MROH2B: variants seen among roughly 807,000 people sequenced by gnomAD.
The protein encoded by MROH2B is maestro heat like repeat family member 2B.
A neutral mutation model predicts 208.6 loss-of-function variants in MROH2B; 177 were observed. That is an observed-to-expected ratio of 0.85 (90% CI 0.75 to 0.96). MROH2B has a LOEUF of 0.96. MROH2B is among the 40% of genes least tolerant of loss of function. The pLI is 0.00. For missense variants in MROH2B, 2,002 were observed against 1,878.7 expected (o/e 1.07, Z -1.21); for synonymous variants, 728 against 659.0 (o/e 1.10, Z -1.60).
At chr5:41,067,085 T>C (rs1579964075) in intron 3 of MROH2B, 23 bp downstream of exon 3, 3 of 1,437,262 alleles carry the variant, frequency 2.1e-6, no homozygotes, top group East Asian at 4.9e-5. Flanking sequence ...AAGACCCTTT[T>C]CACCATCATG....
Position 41,060,333 on chromosome 5 carries a change from G to A in MROH2B, c.615+1237C>T, listed in dbSNP as rs1423420. ...ATATTAGAATGATTTTTCTACTGCA[G>A]TACTCAAATCCTTGCTTAAAACCTT... On this transcript the variant is annotated intron_variant, in intron 6 of 41. Transcript: ENST00000399564. Among the ~76,000 whole-genome samples, 476 of 152,180 alleles carry A rather than the reference G, an allele frequency of 3.1e-3. 1 individual carries two copies. Among genetic ancestry groups the A allele is most frequent in the African/African-American group, 0.011 (458 of 41,534 alleles).
Position 40,998,114 on chromosome 5 carries a change from C to T in MROH2B, c.4696G>A (p.Ala1566Thr), listed in dbSNP as rs755657335. ...RQDPCISVQR[A>T]AEAALQTLLR... is the part of the protein sequence containing the mutation. ...AGGGTTTGCAAAGCAGCCTCAGCTG[C>T]TCTCTGGACACTAATACACGGATCT... is the stretch of plus-strand genomic sequence containing the variant. Residue 1566 changes from alanine (A) to threonine (T), a missense_variant, in exon 42 of 42, where the codon GCA becomes ACA. Coordinates refer to ENST00000399564, the MANE Select transcript of MROH2B (RefSeq NM_173489.5). 2 of 1,612,582 alleles carry T rather than the reference C, an allele frequency of 1.2e-6. No homozygotes were observed. The highest frequency in any genetic ancestry group is 1.7e-6 in the Non-Finnish European group (2 of 1,178,778).
chr5:41,048,050 T>C (rs1486059946), intron 16 of MROH2B, among the ~76,000 whole-genome samples: 13 of 152,140 alleles, frequency 8.5e-5, no homozygotes, highest in Non-Finnish European at 1.2e-4. Flanking sequence ...AGAACAATGC[T>C]AAAATAGAAT....
intron 37 of MROH2B, among the ~76,000 whole-genome samples, chr5:41,002,690 G>T (rs757684652): frequency 1.2e-4 from 18 of 152,294 alleles, no homozygotes; most frequent in African/African-American, 2.2e-4. Context: ...GATGAGCAAG[G>T]TCTGAGCTAA....
At position 41,015,735 on chromosome 5, in the gene MROH2B, C is replaced by T. The variant is rs140751007; in HGVS notation, c.2885-257G>A. Among the ~76,000 whole-genome samples, 11 of 152,250 alleles carry T rather than the reference C, an allele frequency of 7.2e-5. No individual in the cohort carries two copies. The East Asian group carries it at 1.2e-3, about 16-fold the overall frequency. ...CGTCTTGGTTTTGCAGATGAGAAAG[C>T]GGGAACAGAGATGTGAAGACATTGC... On this transcript the variant is annotated intron_variant, in intron 28 of 41. Transcript: ENST00000399564.
In MROH2B at chr5:41,041,792, G is replaced by C. The variant is rs188711286; in HGVS notation, c.1953+300C>G. On this transcript the variant is annotated intron_variant, in intron 19 of 41. Transcript: ENST00000399564. ...CTAGATTAGTCTATAAGTAATTTCA[G>C]CTTGTAAATTCAATCATTTTGATGC... 4.1e-3 allele frequency among the ~76,000 whole-genome samples: 618 copies of C among 152,222 alleles called. 1 individual carries two copies. Among genetic ancestry groups the C allele is most frequent in the African/African-American group, 0.013 (547 of 41,522 alleles).
intron 29 of MROH2B, among the ~76,000 whole-genome samples, chr5:41,013,320 A>T (rs1421096849): frequency 6.6e-6 from 1 of 152,198 alleles, no homozygotes; most frequent in Non-Finnish European, 1.5e-5. Context: ...TGTTGTCTCT[A>T]GGTACAAGAA....
chr5:41,059,490 A>T (rs1205336699), intron 6 of MROH2B, among the ~76,000 whole-genome samples: 1 of 152,122 alleles, frequency 6.6e-6, no homozygotes, highest in African/African-American at 2.4e-5. Context: ...TGTTTGATAA[A>T]TTTTTTGTAT....
intron 30 of MROH2B, 84 bp downstream of exon 30, chr5:41,012,499 G>T: frequency 6.9e-7 from 1 of 1,445,214 alleles, no homozygotes. Flanking sequence ...CTGCCCATCA[G>T]TGGACAAACA....
chr5:41,034,431 A>G (rs1437746484), intron 21 of MROH2B, among the ~76,000 whole-genome samples: 2 of 152,006 alleles, frequency 1.3e-5, no homozygotes, highest in Non-Finnish European at 2.9e-5. Context: ...ACGTAGGAAT[A>G]CTCAAAGCAC....
intron 24 of MROH2B, among the ~76,000 whole-genome samples, chr5:41,026,965 T>C (rs1579925921): frequency 6.6e-6 from 1 of 152,212 alleles, no homozygotes; most frequent in Non-Finnish European, 1.5e-5. Context: ...TAAATGATGT[T>C]GGGAAAACTG....
intron 24 of MROH2B, among the ~76,000 whole-genome samples, chr5:41,020,956 A>T (rs1457393970): frequency 6.6e-6 from 1 of 152,208 alleles, no homozygotes; most frequent in African/African-American, 2.4e-5. Flanking sequence ...GCAATTAGGC[A>T]AGGAAAAATT....
chr5:41,025,667 C>A (rs937829862), intron 24 of MROH2B, among the ~76,000 whole-genome samples: 2 of 152,118 alleles, frequency 1.3e-5, no homozygotes, highest in African/African-American at 4.8e-5. Flanking sequence ...AAGAGGGAAT[C>A]CTCCCTAACT....
At chr5:40,998,732 A>G in intron 40 of MROH2B, 55 bp from the exon 41 acceptor site, 1 of 1,462,728 alleles carries the variant, frequency 6.8e-7, no homozygotes, top group Non-Finnish European at 9.4e-7. Flanking sequence ...AGAAGCCATG[A>G]AAAGTATAGC....
At chr5:41,020,722 T>C (rs1011660283) in intron 24 of MROH2B, among the ~76,000 whole-genome samples, 32 of 152,194 alleles carry the variant, frequency 2.1e-4, no homozygotes, top group Non-Finnish European at 4.3e-4. Context: ...GTTATAGAAA[T>C]AGGAGGTTGG....
chr5:41,055,659 T>C (rs773884309), intron 10 of MROH2B, 83 bp downstream of exon 10: 6 of 959,122 alleles, frequency 6.3e-6, no homozygotes, highest in East Asian at 2.4e-5. Flanking sequence ...CCAAAAGACA[T>C]AGGATAGGAT....
intron 18 of MROH2B, 107 bp downstream of exon 18, chr5:41,045,639 T>C: frequency 1.3e-5 from 10 of 772,402 alleles, no homozygotes; most frequent in South Asian, 1.1e-4. Context: ...TTTTTTTTTT[T>C]AAATGTTCCT....
chr5:41,063,900 G>A (rs1209427438), intron 5 of MROH2B, among the ~76,000 whole-genome samples: 1 of 152,202 alleles, frequency 6.6e-6, no homozygotes, highest in Non-Finnish European at 1.5e-5. Context: ...ACATATTTCA[G>A]TTTGGGGTAG....
At chr5:41,052,693 T>C in intron 11 of MROH2B, 106 bp from the exon 12 acceptor site, 1 of 1,103,938 alleles carries the variant, frequency 9.1e-7, no homozygotes, top group Non-Finnish European at 1.2e-6. Context: ...GGAACATTTT[T>C]GAAAAAGGAA....
Sources: gnomAD v4.1 joint callset for allele counts (sites outside exome capture counted in the v4.1 genomes callset) on GRCh38, gnomAD v4.1.1 for gene constraint, MANE v1.5 for transcripts, NCBI Gene and HGNC (gene_info 2026-07-23, HGNC 2026-07-21) for gene names.